Variants in MYO16 observed in about 807,000 individuals in gnomAD.
MYO16 encodes the protein unconventional myosin-XVI.
MYO16 carries 94 observed loss-of-function variants against 205.3 expected under a neutral mutation model. The ratio of observed to expected loss-of-function variants is 0.46; its 90% CI spans 0.39 to 0.54. The LOEUF (loss-of-function observed/expected upper bound fraction) is 0.54. Among genes scored for constraint, MYO16 ranks in the 20% least tolerant of loss-of-function variants. The pLI is 0.00. For missense variants in MYO16, 2,315 were observed against 2,387.5 expected (o/e 0.97, Z 0.63); for synonymous variants, 988 against 954.0 (o/e 1.04, Z -0.66).
chr13:108,533,734 T>G, the MYO16 span, among the ~76,000 whole-genome samples: 1 of 152,200 alleles, frequency 6.6e-6, no homozygotes, highest in African/African-American at 2.4e-5. Flanking sequence ...CAGGAAAAAA[T>G]AAAGATTTCC....
intron 3 of MYO16, among the ~76,000 whole-genome samples, chr13:108,714,592 C>CTGTGTGTGTGTCTGTGTG (rs1555341103): frequency 2.0e-5 from 3 of 146,778 alleles, no homozygotes; most frequent in South Asian, 2.1e-4. Context: ...GTGTGTGTGT[C>CTGTGTGTGTGTCTGTGTG]TGTGTGTGTG....
intron 27 of MYO16, among the ~76,000 whole-genome samples, chr13:109,095,318 C>A (rs894725948): frequency 1.3e-5 from 2 of 151,960 alleles, no homozygotes; most frequent in Non-Finnish European, 2.9e-5. Context: ...AAGTCCCTCT[C>A]CAGTTGCTCC....
intron 20 of MYO16, among the ~76,000 whole-genome samples, chr13:108,972,257 A>C (rs377530104): frequency 0.016 from 460 of 28,130 alleles, 16 homozygotes; most frequent in Non-Finnish European, 0.022. Context: ...CTCTATATAT[A>C]TATATATATA....
At chr13:109,001,119 A>G (rs1244874600) in intron 21 of MYO16, among the ~76,000 whole-genome samples, 1 of 151,686 alleles carries the variant, frequency 6.6e-6, no homozygotes, top group African/African-American at 2.4e-5. Context: ...TAAAATATCT[A>G]AGGAAGCCAG....
At chr13:108,737,969 G>A (rs1471916131) in intron 4 of MYO16, among the ~76,000 whole-genome samples, 1 of 152,136 alleles carries the variant, frequency 6.6e-6, no homozygotes, top group Non-Finnish European at 1.5e-5. Context: ...ATTTCTGTGG[G>A]AGTGGTTGTG....
At chr13:108,943,112 A>G (rs1298122240) in intron 16 of MYO16, among the ~76,000 whole-genome samples, 1 of 152,250 alleles carries the variant, frequency 6.6e-6, no homozygotes, top group Non-Finnish European at 1.5e-5. Context: ...AACGAAAGAA[A>G]TGAGTATTCT....
chr13:108,933,357 G>T (rs1882342818), intron 16 of MYO16, among the ~76,000 whole-genome samples: 1 of 152,114 alleles, frequency 6.6e-6, no homozygotes, highest in Non-Finnish European at 1.5e-5. Flanking sequence ...TAAACAAGTT[G>T]TTCTTTCCTA....
At chr13:108,535,087 C>A in the MYO16 span, among the ~76,000 whole-genome samples, 1 of 150,864 alleles carries the variant, frequency 6.6e-6, no homozygotes, top group Non-Finnish European at 1.5e-5. Context: ...TTCCCCTCTT[C>A]CTCTTCCTTC....
At chr13:109,035,576 C>T (rs865844511) in intron 23 of MYO16, among the ~76,000 whole-genome samples, 2 of 152,160 alleles carry the variant, frequency 1.3e-5, no homozygotes, top group Non-Finnish European at 2.9e-5. Flanking sequence ...CCCAGCTACT[C>T]AGGAGGCTGA....
the MYO16 span, among the ~76,000 whole-genome samples, chr13:108,513,200 T>C: frequency 0.55 from 49,375 of 89,790 alleles, 16,857 homozygotes; most frequent in East Asian, 0.75. Context: ...GGTTTAGTCT[T>C]GGGAGAGTGT....
At chr13:108,716,913 T>A (rs181097247) in intron 3 of MYO16, among the ~76,000 whole-genome samples, 28 of 152,288 alleles carry the variant, frequency 1.8e-4, no homozygotes, top group African/African-American at 6.0e-4. Context: ...TGAATTAATC[T>A]TTTTACCCCA....
chr13:108,981,308 G>A (rs1884439749), intron 20 of MYO16, among the ~76,000 whole-genome samples: 1 of 152,166 alleles, frequency 6.6e-6, no homozygotes, highest in Non-Finnish European at 1.5e-5. Context: ...GTTAAATAAA[G>A]CCTAGCTTAA....
chr13:108,960,398 G>A (rs1883538365), intron 17 of MYO16, among the ~76,000 whole-genome samples: 1 of 151,948 alleles, frequency 6.6e-6, no homozygotes, highest in Non-Finnish European at 1.5e-5. Context: ...TGATTTAGGG[G>A]TTAACCAAAA....
At chr13:108,624,534 G>A (rs1023200863) in intron 1 of MYO16, among the ~76,000 whole-genome samples, 1 of 152,096 alleles carries the variant, frequency 6.6e-6, no homozygotes, top group Admixed American at 6.6e-5. Flanking sequence ...TTTGTCCAAG[G>A]TCAAACACCT....
chr13:108,683,774 C>A (rs1179124788), intron 2 of MYO16, among the ~76,000 whole-genome samples: 1 of 152,218 alleles, frequency 6.6e-6, no homozygotes, highest in Non-Finnish European at 1.5e-5. Flanking sequence ...GCCTGAGAAT[C>A]TGGGGCCCTG....
At chr13:108,769,613 A>G (rs1885895360) in intron 4 of MYO16, among the ~76,000 whole-genome samples, 1 of 152,210 alleles carries the variant, frequency 6.6e-6, no homozygotes, top group Non-Finnish European at 1.5e-5. Flanking sequence ...AACTAGAAGC[A>G]AGTAAACCTG....
intron 4 of MYO16, among the ~76,000 whole-genome samples, chr13:108,782,627 T>G (rs911551056): frequency 6.6e-6 from 1 of 152,184 alleles, no homozygotes; most frequent in Non-Finnish European, 1.5e-5. Context: ...GAGACCTTCA[T>G]GGCAGTCCCT....
At chr13:108,518,107 T>G in the MYO16 span, among the ~76,000 whole-genome samples, 1 of 152,118 alleles carries the variant, frequency 6.6e-6, no homozygotes, top group Non-Finnish European at 1.5e-5. Flanking sequence ...GGAAATAAAC[T>G]AGAATGGCTA....
At chr13:108,659,591 A>G (rs1274410343) in intron 1 of MYO16, among the ~76,000 whole-genome samples, 1 of 152,168 alleles carries the variant, frequency 6.6e-6, no homozygotes. Context: ...CTCAGGCCAG[A>G]TAATTTTGTA....
Sources: gnomAD v4.1 joint callset for allele counts (sites outside exome capture counted in the v4.1 genomes callset) on GRCh38, gnomAD v4.1.1 for gene constraint, MANE v1.5 for transcripts, NCBI Gene and HGNC (gene_info 2026-07-23, HGNC 2026-07-21) for gene names.